The following EPB41L4A variants were observed in gnomAD, a reference collection of about 807,000 sequenced individuals.
EPB41L4A encodes erythrocyte membrane protein band 4.1 like 4A, also known as band 4.1-like protein 4A.
Under a neutral mutation model 108.6 loss-of-function variants are expected in EPB41L4A, and 100 were observed. The observed-to-expected ratio is 0.92, with a 90% CI of 0.78 to 1.09. The LOEUF is 1.09. Among genes scored for constraint, EPB41L4A ranks in the 50% least tolerant of loss-of-function variants. The pLI is 0.00. For missense variants in EPB41L4A, 1,030 were observed against 842.7 expected (o/e 1.22, Z -2.75); for synonymous variants, 319 against 289.0 (o/e 1.10, Z -1.05).
At chr5:112,254,933 G>A (rs1348083801) in intron 9 of EPB41L4A, among the ~76,000 whole-genome samples, 1 of 152,018 alleles carries the variant, frequency 6.6e-6, no homozygotes, top group African/African-American at 2.4e-5. Flanking sequence ...GGAGACCCCT[G>A]GCTCTCTCTG....
intron 1 of EPB41L4A, among the ~76,000 whole-genome samples, chr5:112,328,912 A>G (rs1045911361): frequency 4.6e-5 from 7 of 152,258 alleles, no homozygotes; most frequent in African/African-American, 1.7e-4. Context: ...TTCTTGCATC[A>G]TTCTTAAACC....
At chr5:112,363,757 A>G (rs375220418) in intron 1 of EPB41L4A, 1 of 152,156 alleles carries the variant, frequency 6.6e-6, no homozygotes, top group African/African-American at 2.4e-5. Context: ...TTAAGTTTAC[A>G]GTTTAAGATT....
At chr5:112,363,252 C>A (rs975518689) in intron 1 of EPB41L4A, among the ~76,000 whole-genome samples, 1 of 151,904 alleles carries the variant, frequency 6.6e-6, no homozygotes, top group Non-Finnish European at 1.5e-5. Context: ...TTTATGTTCC[C>A]CATATAACTT....
At chr5:112,418,077 C>G (rs1342233352) in intron 1 of EPB41L4A, among the ~76,000 whole-genome samples, 1 of 152,150 alleles carries the variant, frequency 6.6e-6, no homozygotes, top group Admixed American at 6.5e-5. Context: ...TCACCAGACT[C>G]AGCTGTTGCC....
intron 1 of EPB41L4A, among the ~76,000 whole-genome samples, chr5:112,344,357 C>T (rs971996059): frequency 6.6e-6 from 1 of 152,122 alleles, no homozygotes; most frequent in African/African-American, 2.4e-5. Context: ...CTTACTAGAA[C>T]ATTAATTTAC....
chr5:112,315,166 C>T (rs932045486), intron 1 of EPB41L4A, among the ~76,000 whole-genome samples: 1 of 152,158 alleles, frequency 6.6e-6, no homozygotes, highest in African/African-American at 2.4e-5. Context: ...TAAAATGCCA[C>T]CTTCTTCATA....
At chr5:112,292,517 C>T (rs1753713941) in intron 2 of EPB41L4A, among the ~76,000 whole-genome samples, 1 of 152,114 alleles carries the variant, frequency 6.6e-6, no homozygotes, top group Non-Finnish European at 1.5e-5. Context: ...AACAAAAAAG[C>T]ACCTGCACAG....
At chr5:112,227,480 C>A (rs1748548678) in intron 12 of EPB41L4A, among the ~76,000 whole-genome samples, 1 of 152,140 alleles carries the variant, frequency 6.6e-6, no homozygotes, top group Admixed American at 6.5e-5. Context: ...AGACACATCC[C>A]CATGACAGCA....
chr5:112,318,051 C>A (rs1212720500), intron 1 of EPB41L4A, among the ~76,000 whole-genome samples: 1 of 152,144 alleles, frequency 6.6e-6, no homozygotes, highest in Non-Finnish European at 1.5e-5. Context: ...GAAAGCCAGT[C>A]TTTCCTCATT....
intron 1 of EPB41L4A, among the ~76,000 whole-genome samples, chr5:112,418,200 A>G (rs555590577): frequency 1.2e-3 from 188 of 152,350 alleles, no homozygotes; most frequent in African/African-American, 4.3e-3. Context: ...AAAGCAAAAC[A>G]AGCACGCAGG....
At chr5:112,151,102 A>T (rs1759447554) in intron 12 of EPB41L4A, among the ~76,000 whole-genome samples, 1 of 152,194 alleles carries the variant, frequency 6.6e-6, no homozygotes, top group Non-Finnish European at 1.5e-5. Context: ...TTGCAATTAG[A>T]GTAGAAATAT....
In EPB41L4A at chr5:112,170,938, TACTC is replaced by T. The variant is rs1396184468; in HGVS notation, c.1670+3_1670+6del. ...TTAAAACAATAAGAAAGAAAACTAT[TACTC>T]ACTGAATGTGCTTCCATAACTCTTC... is the stretch of plus-strand genomic sequence containing the variant. On this transcript the variant is annotated splice_donor_5th_base_variant and intron_variant, in intron 19 of 22. Coordinates refer to ENST00000261486, the MANE Select transcript of EPB41L4A (RefSeq NM_022140.5). The T allele has an allele frequency of 1.2e-6, 2 of 1,612,138 alleles. No individual in the cohort carries two copies. Among genetic ancestry groups the T allele is most frequent in the East Asian group, 2.2e-5 (1 of 44,880 alleles).
At chr5:112,390,686 GA>G (rs950551529) in intron 1 of EPB41L4A, among the ~76,000 whole-genome samples, 7 of 152,266 alleles carry the variant, frequency 4.6e-5, no homozygotes, top group East Asian at 3.9e-4. Context: ...CAGCTCTGAA[GA>G]GAGCAGTGGT....
At chr5:112,347,437 A>G (rs903718977) in intron 1 of EPB41L4A, among the ~76,000 whole-genome samples, 1 of 152,210 alleles carries the variant, frequency 6.6e-6, no homozygotes, top group Non-Finnish European at 1.5e-5. Flanking sequence ...AAAATGCAGA[A>G]CTTAGGCTAG....
Position 112,165,052 on chromosome 5 carries a change from C to T in EPB41L4A, c.1999G>A (p.Gly667Arg), listed in dbSNP as rs1425484646. 6.2e-7 allele frequency: 1 copy of T among 1,613,896 alleles called. No homozygotes were observed. The highest frequency in any genetic ancestry group is 8.5e-7 in the Non-Finnish European group (1 of 1,179,930). Reference protein sequence around the residue: ...KPQTSTNNLAGKHTAKTIKTI... With the variant: ...KPQTSTNNLARKHTAKTIKTI... ...TTTATTGTTTTTGCTGTGTGTTTTC[C>T]AGCCAGGTTGTTTGTAGATGTCTGA... Residue 667 changes from glycine to arginine, a missense_variant, in exon 23 of 23, where the codon GGA (glycine) becomes AGA (arginine). By Grantham distance (125) the Gly-to-Arg change is moderately radical. Transcript: ENST00000261486.
intron 1 of EPB41L4A, among the ~76,000 whole-genome samples, chr5:112,317,093 T>C (rs563449461): frequency 1.1e-4 from 16 of 152,170 alleles, no homozygotes; most frequent in African/African-American, 2.7e-4. Flanking sequence ...CATCTCTTGA[T>C]AGGAGGAATG....
intron 4 of EPB41L4A, 33 bp from the exon 5 acceptor site, chr5:112,266,363 C>G (rs906669478): frequency 4.8e-6 from 7 of 1,460,214 alleles, no homozygotes; most frequent in Non-Finnish European, 6.6e-6. Context: ...GATTAACGAT[C>G]TCTTACACTA....
intron 3 of EPB41L4A, among the ~76,000 whole-genome samples, chr5:112,278,387 G>A (rs1336095191): frequency 6.6e-6 from 1 of 151,860 alleles, no homozygotes; most frequent in Non-Finnish European, 1.5e-5. Context: ...GAATAGCTGG[G>A]ATTACAGGCA....
intron 12 of EPB41L4A, among the ~76,000 whole-genome samples, chr5:112,215,486 G>A (rs1466001911): frequency 6.6e-6 from 1 of 152,164 alleles, no homozygotes; most frequent in African/African-American, 2.4e-5. Context: ...AGCTTGCTCG[G>A]GCGCGGTGGC....
Sources: allele counts gnomAD v4.1 joint callset (sites outside exome capture counted in the v4.1 genomes callset), GRCh38; gene constraint gnomAD v4.1.1; transcripts MANE v1.5; gene names NCBI Gene and HGNC (gene_info 2026-07-23, HGNC 2026-07-21).